Variants in MCCC1 observed in about 807,000 individuals in gnomAD.
MCCC1 encodes methylcrotonoyl-CoA carboxylase subunit alpha, mitochondrial.
MCCC1 carries 64 observed loss-of-function variants against 83.8 expected under a neutral mutation model. The ratio of observed to expected loss-of-function variants is 0.76; its 90% CI spans 0.62 to 0.94. MCCC1 has a LOEUF of 0.94. Ranked by LOEUF, MCCC1 falls within the 40% of genes least tolerant of loss-of-function variation. MCCC1 has a pLI of 0.00. For synonymous variants in MCCC1, 322 were observed against 315.4 expected (o/e 1.02, Z -0.22); for missense variants, 807 against 904.7 (o/e 0.89, Z 1.39).
At chr3:183,099,536 C>T (rs1719010025), upstream of MCCC1, 5 of 1,419,312 alleles carry the variant, frequency 3.5e-6, no homozygotes, top group South Asian at 6.2e-5. Flanking sequence ...CTCGTGACCC[C>T]CGCCGGCCAC....
intron 9 of MCCC1, among the ~76,000 whole-genome samples, chr3:183,048,091 T>C (rs1333119449): frequency 6.6e-6 from 1 of 152,160 alleles, no homozygotes; most frequent in Admixed American, 6.5e-5. Context: ...ATGGAACCAT[T>C]GTTATATTGA....
intron 4 of MCCC1, among the ~76,000 whole-genome samples, chr3:183,085,312 C>A (rs1717813039): frequency 6.6e-6 from 1 of 151,990 alleles, no homozygotes. Flanking sequence ...CTTTACTCCC[C>A]AGCTTTAAAA....
At position 183,071,327 on chromosome 3, in the gene MCCC1, T is replaced by A. The variant is rs1369210783; in HGVS notation, c.522A>T (p.Gly174=). ...STSKSIMAAA[G]VPVVEGYHGE... Reference sequence around the variant, plus strand: ...CATGATAACCCTCCACAACAGGTACTCCAGCAGCAGCCATTATGGATTTGG... The same window carrying A: ...CATGATAACCCTCCACAACAGGTACACCAGCAGCAGCCATTATGGATTTGG... Residue 174 remains glycine, a synonymous_variant, in exon 6 of 19, where the codon GGA becomes GGT. Transcript: ENST00000265594. 3 of 1,614,184 alleles carry A rather than the reference T, an allele frequency of 1.9e-6. No individual in the cohort carries two copies. Among genetic ancestry groups the A allele is most frequent in the Non-Finnish European group, 8.5e-7 (1 of 1,180,026 alleles).
chr3:183,071,718 T>TAA (rs1553863087), intron 5 of MCCC1, among the ~76,000 whole-genome samples: 50,630 of 149,598 alleles, frequency 0.34, 11,888 homozygotes, highest in African/African-American at 0.63. Flanking sequence ...TTTTTTTTTT[T>TAA]AGAGACAGGG....
intron 14 of MCCC1, among the ~76,000 whole-genome samples, chr3:183,031,686 G>C (rs1453354046): frequency 6.6e-6 from 1 of 151,748 alleles, no homozygotes; most frequent in Non-Finnish European, 1.5e-5. Context: ...TTTTAGGAGA[G>C]ACAGGGTTTC....
intron 15 of MCCC1, among the ~76,000 whole-genome samples, chr3:183,023,917 G>A (rs906784817): frequency 6.6e-6 from 1 of 151,960 alleles, no homozygotes; most frequent in African/African-American, 2.4e-5. Flanking sequence ...GTGTTCCTTG[G>A]GGTCCCTAAT....
rs139067480 is a variant in MCCC1, at chr3:183,038,254, A to T, written c.1377+772T>A. The stretch of plus-strand genomic sequence containing the variant: ...GCTGGCTAAGAGGATAAAGAATAAC[A>T]AAAGGTCATACTTTAAATGGGGCAG... On this transcript the variant is annotated intron_variant, in intron 12 of 18. Coordinates refer to ENST00000265594, the MANE Select transcript of MCCC1 (RefSeq NM_020166.5). 3.7e-3 allele frequency among the ~76,000 whole-genome samples: 562 copies of T among 152,316 alleles called. 5 individuals are homozygous for T. The highest frequency in any genetic ancestry group is 0.013 in the African/African-American group (539 of 41,576).
intron 10 of MCCC1, among the ~76,000 whole-genome samples, 180 bp downstream of exon 10, chr3:183,045,233 C>A (rs1001643680): frequency 1.3e-5 from 2 of 152,104 alleles, no homozygotes; most frequent in Admixed American, 6.5e-5. Flanking sequence ...GCACCCGGCA[C>A]CACGCCCGGC....
At chr3:183,114,699 C>CT (rs1719561311) in intron 1 of MCCC1, among the ~76,000 whole-genome samples, 1 of 152,190 alleles carries the variant, frequency 6.6e-6, no homozygotes, top group Non-Finnish European at 1.5e-5. Flanking sequence ...GAGCAAGCCA[C>CT]TTATTCAGAC....
chr3:183,045,380 A>C, intron 10 of MCCC1, 33 bp downstream of exon 10: 1 of 1,612,368 alleles, frequency 6.2e-7, no homozygotes, highest in Non-Finnish European at 8.5e-7. Flanking sequence ...GCACCCAGCC[A>C]AGGCTGATTT....
At position 183,085,630 on chromosome 3, in the gene MCCC1, TAAAAAAAAA is replaced by T. The variant is rs57408690; in HGVS notation, c.369+1054_369+1062del. Among the ~76,000 whole-genome samples, 4 of 103,296 alleles carry T rather than the reference TAAAAAAAAA, an allele frequency of 3.9e-5. No individual in the cohort carries two copies. The Admixed American group carries it at 4.4e-4, about 11-fold the overall frequency. 67.8% of individuals were successfully genotyped at this position (103,296 alleles called of 152,430 possible). A position where few individuals can be genotyped will look rare whatever the true frequency, so the allele number is the denominator to read the frequency against. On this transcript the variant is annotated intron_variant, in intron 4 of 18. Coordinates refer to ENST00000265594, the MANE Select transcript of MCCC1 (RefSeq NM_020166.5). ...GGCAACAGAGCAAAGACCCTGTCTT[TAAAAAAAAA>T]AAAAAAAAAAAAAAAGAATGTTCTA...
At chr3:183,031,251 C>T (rs1483880952) in intron 14 of MCCC1, among the ~76,000 whole-genome samples, 1 of 152,086 alleles carries the variant, frequency 6.6e-6, no homozygotes, top group African/African-American at 2.4e-5. Context: ...TCTCATTGGC[C>T]TTTTCTGAAA....
chr3:183,030,987 CA>C (rs1196777618), intron 14 of MCCC1, among the ~76,000 whole-genome samples: 1 of 152,018 alleles, frequency 6.6e-6, no homozygotes, highest in Non-Finnish European at 1.5e-5. Flanking sequence ...AAGACACTAC[CA>C]AAAAAACTCC....
At chr3:183,032,180 A>G (rs1405925693) in intron 14 of MCCC1, among the ~76,000 whole-genome samples, 1 of 152,176 alleles carries the variant, frequency 6.6e-6, no homozygotes, top group East Asian at 1.9e-4. Flanking sequence ...ACTTTTTTTA[A>G]TTCCAAAAAA....
chr3:183,101,442 C>T (rs1035831773), upstream of MCCC1, among the ~76,000 whole-genome samples: 4 of 152,120 alleles, frequency 2.6e-5, no homozygotes, highest in African/African-American at 9.7e-5. Flanking sequence ...CTGTGTTTAG[C>T]TCAAGGTTTG....
At chr3:183,102,759 T>TAG (rs1719335847), upstream of MCCC1, among the ~76,000 whole-genome samples, 1 of 8,730 alleles carries the variant, frequency 1.1e-4, no homozygotes, top group Non-Finnish European at 2.3e-4. Flanking sequence ...GCAGAGAAAG[T>TAG]TTTTTTTTTT....
At chr3:183,084,393 T>C (rs1347266733) in intron 4 of MCCC1, among the ~76,000 whole-genome samples, 20 of 152,204 alleles carry the variant, frequency 1.3e-4, no homozygotes, top group Non-Finnish European at 4.4e-5. Context: ...CTGATATTTA[T>C]GTTAAAGGGC....
chr3:183,037,955 A>G (rs1713763334), intron 12 of MCCC1, among the ~76,000 whole-genome samples: 1 of 152,242 alleles, frequency 6.6e-6, no homozygotes, highest in Non-Finnish European at 1.5e-5. Context: ...GTATAAAATT[A>G]ACCCAAATAC....
At chr3:183,031,801 C>G (rs974261066) in intron 14 of MCCC1, among the ~76,000 whole-genome samples, 1 of 133,188 alleles carries the variant, frequency 7.5e-6, no homozygotes, top group African/African-American at 2.7e-5. Flanking sequence ...CCTGGCACTT[C>G]TGGTATCTTT....
Sources: allele counts gnomAD v4.1 joint callset (sites outside exome capture counted in the v4.1 genomes callset), GRCh38; gene constraint gnomAD v4.1.1; transcripts MANE v1.5; gene names NCBI Gene and HGNC (gene_info 2026-07-23, HGNC 2026-07-21).